DOCK1: variants seen among roughly 807,000 people sequenced by gnomAD.
The protein encoded by DOCK1 is dedicator of cytokinesis protein 1.
A neutral mutation model predicts 262.7 loss-of-function variants in DOCK1; 138 were observed. The observed-to-expected ratio is 0.53, with a 90% CI of 0.46 to 0.61. DOCK1 has a LOEUF of 0.61. DOCK1 is among the 20% of genes least tolerant of loss of function. The probability of loss-of-function intolerance (pLI) is 0.00; values close to 1 mark genes in which losing one functional copy is unlikely to be tolerated. For missense variants in DOCK1, 1,908 were observed against 2,370.7 expected (o/e 0.80, Z 4.05); for synonymous variants, 866 against 867.4 (o/e 1.00, Z 0.03).
chr10:127,099,740 C>G (rs372397094), intron 23 of DOCK1, among the ~76,000 whole-genome samples: 2 of 152,174 alleles, frequency 1.3e-5, no homozygotes, highest in East Asian at 3.9e-4. Context: ...CCCACTGTCC[C>G]CACCTCCAAC....
At chr10:127,259,697 G>A (rs1478224121) in intron 29 of DOCK1, among the ~76,000 whole-genome samples, 1 of 152,222 alleles carries the variant, frequency 6.6e-6, no homozygotes, top group Non-Finnish European at 1.5e-5. Flanking sequence ...CAAAGGTCAG[G>A]CGGGATGGGC....
chr10:127,177,680 G>T (rs2055304227), intron 27 of DOCK1, among the ~76,000 whole-genome samples: 1 of 152,190 alleles, frequency 6.6e-6, no homozygotes, highest in South Asian at 2.1e-4. Context: ...CCCTGTCCTG[G>T]GGGTGTCTGA....
Position 127,126,912 on chromosome 10 carries a change from G to A in DOCK1, c.2752-757G>A, listed in dbSNP as rs553872790. Among the ~76,000 whole-genome samples the A allele has an allele frequency of 5.9e-5, 9 of 152,276 alleles. No homozygotes were observed. In the South Asian group the frequency reaches 6.2e-4, roughly 11 times the overall value. On this transcript the variant is annotated intron_variant, in intron 26 of 51. Transcript: ENST00000623213. The stretch of plus-strand genomic sequence containing the variant: ...ATTAGTGATCTGGAAGAAAAAGATC[G>A]GATTAAATCTGTTCTTGGTGATGCT...
intron 5 of DOCK1, among the ~76,000 whole-genome samples, chr10:126,989,429 C>G (rs2039642978): frequency 6.6e-6 from 1 of 152,144 alleles, no homozygotes; most frequent in Non-Finnish European, 1.5e-5. Context: ...CAGGCTCAAG[C>G]AATGCTCCCA....
chr10:127,218,895 G>T (rs191453719), intron 27 of DOCK1, among the ~76,000 whole-genome samples: 1 of 152,254 alleles, frequency 6.6e-6, no homozygotes, highest in East Asian at 1.9e-4. Context: ...CCAAGATGGC[G>T]CCTTGTTGCT....
intron 33 of DOCK1, among the ~76,000 whole-genome samples, chr10:127,371,916 T>TA (rs2134020475): frequency 6.6e-6 from 1 of 152,264 alleles, no homozygotes; most frequent in South Asian, 2.1e-4. Context: ...TATTTTACAG[T>TA]AAAAATCGTT....
chr10:127,121,250 G>A (rs1194938542), intron 25 of DOCK1, among the ~76,000 whole-genome samples: 2 of 147,930 alleles, frequency 1.4e-5, no homozygotes, highest in African/African-American at 5.1e-5. Flanking sequence ...TTCTCCTGGT[G>A]GATTATTTGT....
rs3078941 is a variant in DOCK1 at position 127,385,430 on chromosome 10, T to TAAA, written c.3927+529_3927+531dup. 1.4e-3 allele frequency among the ~76,000 whole-genome samples: 210 copies of TAAA among 147,224 alleles called. 1 individual carries two copies. The highest frequency in any genetic ancestry group is 4.7e-3 in the African/African-American group (184 of 39,338). ...CTGATTAAGGTATGCAGTAACTATT[T>TAAA]AAAAAAAAAAGCTGTTTCAGTTTCA... On this transcript the variant is annotated intron_variant, in intron 38 of 51. Coordinates refer to ENST00000623213, the MANE Select transcript of DOCK1 (RefSeq NM_001290223.2).
chr10:126,923,305 T>C (rs994695676), intron 1 of DOCK1, among the ~76,000 whole-genome samples: 1 of 152,162 alleles, frequency 6.6e-6, no homozygotes, highest in African/African-American at 2.4e-5. Context: ...GATTGCAAAC[T>C]ATATTAAAGT....
chr10:127,059,028 C>T (rs1564770402), intron 22 of DOCK1, among the ~76,000 whole-genome samples: 1 of 152,064 alleles, frequency 6.6e-6, no homozygotes, highest in Non-Finnish European at 1.5e-5. Context: ...TTATGGGACT[C>T]TGTTTGTATG....
chr10:127,257,467 C>T (rs2059865818), intron 29 of DOCK1, 38 bp downstream of exon 29: 3 of 1,541,716 alleles, frequency 1.9e-6, no homozygotes, highest in South Asian at 2.4e-5. Flanking sequence ...TTTTCTATGG[C>T]TCCCAATTCA....
chr10:127,113,219 G>T (rs934225238), intron 25 of DOCK1, among the ~76,000 whole-genome samples: 1 of 151,978 alleles, frequency 6.6e-6, no homozygotes, highest in Non-Finnish European at 1.5e-5. Flanking sequence ...AACTCTCTTT[G>T]TGTTCAGATT....
At chr10:127,177,756 G>A (rs2055313501) in intron 27 of DOCK1, among the ~76,000 whole-genome samples, 1 of 152,270 alleles carries the variant, frequency 6.6e-6, no homozygotes, top group Admixed American at 6.5e-5. Flanking sequence ...GACATGCGCA[G>A]CATGGCCACT....
chr10:126,911,078 G>A (rs974246386), intron 1 of DOCK1, among the ~76,000 whole-genome samples: 3 of 152,216 alleles, frequency 2.0e-5, no homozygotes, highest in Non-Finnish European at 4.4e-5. Flanking sequence ...TGCAGAGGCT[G>A]AGTCGTCTGG....
intron 23 of DOCK1, among the ~76,000 whole-genome samples, chr10:127,104,533 G>A (rs936436673): frequency 2.6e-5 from 4 of 152,158 alleles, no homozygotes; most frequent in Non-Finnish European, 4.4e-5. Context: ...ATGTTCAGGG[G>A]AATACTTTTG....
chr10:127,052,586 A>C, intron 21 of DOCK1, 95 bp from the exon 22 acceptor site: 2 of 1,563,622 alleles, frequency 1.3e-6, no homozygotes, highest in Non-Finnish European at 1.7e-6. Flanking sequence ...ATGGAAACCA[A>C]ATAAAAGTAA....
chr10:126,960,745 TACACACACACACAC>T (rs1168329136), intron 1 of DOCK1, among the ~76,000 whole-genome samples: 1 of 115,500 alleles, frequency 8.7e-6, no homozygotes, highest in Non-Finnish European at 1.8e-5. Context: ...TATATATATA[TACACACACACACAC>T]ACAGACACAT....
At chr10:127,017,915 C>T (rs886781184) in intron 12 of DOCK1, among the ~76,000 whole-genome samples, 2 of 152,188 alleles carry the variant, frequency 1.3e-5, no homozygotes, top group Non-Finnish European at 2.9e-5. Context: ...GGTTGCTACT[C>T]AGTATTTATA....
intron 1 of DOCK1, among the ~76,000 whole-genome samples, chr10:126,942,956 C>G (rs1473587190): frequency 6.6e-6 from 1 of 152,048 alleles, no homozygotes; most frequent in Non-Finnish European, 1.5e-5. Flanking sequence ...TAGAAATGAT[C>G]ATTAAAAACA....
Sources: gnomAD v4.1 joint callset for allele counts (sites outside exome capture counted in the v4.1 genomes callset) on GRCh38, gnomAD v4.1.1 for gene constraint, MANE v1.5 for transcripts, NCBI Gene and HGNC (gene_info 2026-07-23, HGNC 2026-07-21) for gene names.